Variants in LGALSL observed in about 807,000 individuals in gnomAD.
LGALSL encodes galectin-related protein.
In LGALSL, 13 loss-of-function variants were observed where a neutral mutation model predicts 19.5. The ratio of observed to expected loss-of-function variants is 0.67; its 90% CI spans 0.43 to 1.06. The LOEUF is 1.06. Among genes scored for constraint, LGALSL ranks in the 50% least tolerant of loss-of-function variants. The pLI is 0.00. For missense variants in LGALSL, 189 were observed against 219.3 expected (o/e 0.86, Z 0.87); for synonymous variants, 86 against 78.3 (o/e 1.10, Z -0.52).
At chr2:64,456,149 A>G (rs368480121) in intron 3 of LGALSL, 139 bp from the exon 4 acceptor site, 3 of 660,020 alleles carry the variant, frequency 4.5e-6, no homozygotes, top group African/African-American at 1.9e-5. Context: ...TTACTTCTCC[A>G]TAATCTAACC....
At position 64,460,538 on chromosome 2, in the gene LGALSL, A is replaced by G. The variant is rs1426483508; in HGVS notation, c.*2110A>G. On this transcript the variant is annotated 3_prime_UTR_variant, in exon 5 of 5. Coordinates refer to ENST00000238875, the MANE Select transcript of LGALSL (RefSeq NM_014181.3). ...TGTACTGATTGGAATTGACACGCTT[A>G]TTCTGTCTACCTATCAGCTAACTCA... 2 of 152,220 alleles carry G rather than the reference A, an allele frequency of 1.3e-5. No homozygotes were observed. The highest frequency in any genetic ancestry group is 6.5e-5 in the Admixed American group (1 of 15,288). The allele number at this position is 152,220 out of a possible 1,614,324, so 9.4% of individuals were successfully genotyped here. A position where few individuals can be genotyped will look rare whatever the true frequency, so the allele number is the denominator to read the frequency against.
chr2:64,457,093 G>A (rs556579512), intron 4 of LGALSL, among the ~76,000 whole-genome samples: 38 of 152,286 alleles, frequency 2.5e-4, no homozygotes, highest in Non-Finnish European at 4.9e-4. Context: ...CAATCAAGCA[G>A]CATTAGCAGC....
chr2:64,458,360 A>C lies in LGALSL; in HGVS notation c.451A>C (p.Ile151Leu), dbSNP rs1374287358. Residue 151 changes from isoleucine to leucine, a missense_variant, in exon 5 of 5, where the codon ATT (isoleucine) becomes CTT (leucine). Physicochemically the swap from Ile to Leu is conservative, Grantham distance 5 (BLOSUM62 2). Coordinates refer to ENST00000238875, the MANE Select transcript of LGALSL (RefSeq NM_014181.3). ...CCAACTTTTTGATTTTTACCATCGC[A>C]TTCAAACGTTATCTGCAATTGACAC... is the stretch of plus-strand genomic sequence containing the variant. ...GHQLFDFYHR[I>L]QTLSAIDTIK... The C allele has an allele frequency of 2.5e-6, 4 of 1,614,044 alleles. No individual in the cohort carries two copies. Among genetic ancestry groups the C allele is most frequent in the Non-Finnish European group, 2.5e-6 (3 of 1,179,908 alleles).
Position 64,454,761 on chromosome 2 carries a change from A to G in LGALSL, c.36+180A>G. 6.6e-6 allele frequency among the ~76,000 whole-genome samples: 1 copy of G among 151,958 alleles called. No homozygotes were observed. The highest frequency in any genetic ancestry group is 1.9e-4 in the East Asian group (1 of 5,156). On this transcript the variant is annotated intron_variant, in intron 1 of 4. Coordinates refer to ENST00000238875, the MANE Select transcript of LGALSL (RefSeq NM_014181.3). This position sits in a 1 kb window ranked among gnomAD's most constrained non-coding sequence, Gnocchi z 5.1. ...GCGCGCGGCCGGTGTTAGGGGCTGG[A>G]GAGGCTCCCGGGCTGCGGGGCTCTG... is the stretch of plus-strand genomic sequence containing the variant.
In LGALSL at chr2:64,454,412, C is replaced by T. The variant is rs1008644826; in HGVS notation, c.-134C>T. On this transcript the variant is annotated 5_prime_UTR_variant, in exon 1 of 5. Transcript: ENST00000238875. This position sits in a 1 kb window ranked among gnomAD's most constrained non-coding sequence, Gnocchi z 5.1. ...CGGCGCCGGGCCCCGGGCGCGCGCGCGCGCGCCCCCTCGTGTGTGCGCGCG... is the reference window on the plus strand; with the variant it reads ...CGGCGCCGGGCCCCGGGCGCGCGCGTGCGCGCCCCCTCGTGTGTGCGCGCG... 2.4e-5 allele frequency: 9 copies of T among 381,100 alleles called. No individual in the cohort carries two copies. The East Asian group carries it at 2.5e-4, about 10-fold the overall frequency. 23.6% of individuals were successfully genotyped at this position (381,100 alleles called of 1,614,324 possible).
rs1403640655 is a variant in LGALSL at position 64,460,137 on chromosome 2, A to G, written c.*1709A>G. On this transcript the variant is annotated 3_prime_UTR_variant, in exon 5 of 5. Transcript: ENST00000238875. Reference sequence around the variant, plus strand: ...AATAAACTAAAATTATGAATTTTTTATAGGTGATACATTTGGATTCTTCTC... The same window carrying G: ...AATAAACTAAAATTATGAATTTTTTGTAGGTGATACATTTGGATTCTTCTC... 1.3e-5 allele frequency: 2 copies of G among 151,910 alleles called. No individual in the cohort carries two copies. The highest frequency in any genetic ancestry group is 2.4e-5 in the African/African-American group (1 of 41,332). 9.4% of individuals were successfully genotyped at this position (151,910 alleles called of 1,614,324 possible).
At position 64,455,729 on chromosome 2, in the gene LGALSL, G is replaced by A. The variant is rs1206061887; in HGVS notation, c.197+52G>A. 4.4e-6 allele frequency: 6 copies of A among 1,353,450 alleles called. No homozygotes were observed. In the Admixed American group the frequency reaches 6.8e-5, roughly 15 times the overall value. The allele number at this position is 1,353,450 out of a possible 1,614,324, so 83.8% of individuals were successfully genotyped here. On this transcript the variant is annotated intron_variant, in intron 3 of 4. Transcript: ENST00000238875. ...AACTATCAGGCTGTGGCTGAGCCCTGCCCACTTCTGTTGTGGTTTAGCACT... is the reference window on the plus strand; with the variant it reads ...AACTATCAGGCTGTGGCTGAGCCCTACCCACTTCTGTTGTGGTTTAGCACT...
chr2:64,454,190 G>A lies in LGALSL; in HGVS notation c.-356G>A, dbSNP rs1013786909. The A allele has an allele frequency of 7.6e-6, 3 of 394,464 alleles. No homozygotes were observed. The highest frequency in any genetic ancestry group is 2.1e-5 in the African/African-American group (1 of 48,328). 24.4% of individuals were successfully genotyped at this position (394,464 alleles called of 1,614,324 possible). A position where few individuals can be genotyped will look rare whatever the true frequency, so the allele number is the denominator to read the frequency against. ...CCCGGTTCCCGAGCCGGGCCCCGGAGGCCTTTAAATGCTGCCCAGGGCCGA... is the reference window on the plus strand; with the variant it reads ...CCCGGTTCCCGAGCCGGGCCCCGGAAGCCTTTAAATGCTGCCCAGGGCCGA... On this transcript the variant is annotated 5_prime_UTR_variant, in exon 1 of 5. Transcript: ENST00000238875. The surrounding 1 kb of genome is among the most constrained non-coding windows in gnomAD (Gnocchi z 5.1).
Position 64,456,353 on chromosome 2 carries a change from A to G in LGALSL, c.263A>G (p.Lys88Arg). 6.2e-7 allele frequency: 1 copy of G among 1,612,352 alleles called. No individual in the cohort carries two copies. The highest frequency in any genetic ancestry group is 8.5e-7 in the Non-Finnish European group (1 of 1,179,274). The change falls in exon 4 of 5, where the codon AAA (lysine) becomes AGA (arginine). Residue 88 changes from lysine to arginine, a missense_variant. Around this residue, in one of 3 missense-constraint regions of LGALSL, gnomAD observed 106 missense variants for 119.3 expected, o/e 0.89. Transcript: ENST00000238875. ...CCTGCCGATGTGGCAATCGAACTCA[A>G]AGCTGTGTTCACAGATCGGCAGCTA... Reference protein sequence around the residue: ...DPPADVAIELKAVFTDRQLLR... With the variant: ...DPPADVAIELRAVFTDRQLLR...
chr2:64,456,529 G>C (rs1240922819), intron 4 of LGALSL, 64 bp downstream of exon 4: 12 of 1,348,926 alleles, frequency 8.9e-6, no homozygotes, highest in African/African-American at 4.5e-5. Context: ...CTTACCTAGT[G>C]TGTGCCAAGA....
At position 64,460,773 on chromosome 2, in the gene LGALSL, A is replaced by G. The variant is rs574930480; in HGVS notation, c.*2345A>G. Reference sequence around the variant, plus strand: ...ACCCTCTCCTGGGCCTGTAAGGTCTAAGGTGAGAATTTCAGGATGGAAAAT... The same window carrying G: ...ACCCTCTCCTGGGCCTGTAAGGTCTGAGGTGAGAATTTCAGGATGGAAAAT... On this transcript the variant is annotated 3_prime_UTR_variant, in exon 5 of 5. Transcript: ENST00000238875. 16 of 152,320 alleles carry G rather than the reference A, an allele frequency of 1.1e-4. No individual in the cohort carries two copies. The highest frequency in any genetic ancestry group is 3.4e-4 in the African/African-American group (14 of 41,562). The allele number at this position is 152,320 out of a possible 1,614,324, so 9.4% of individuals were successfully genotyped here.
In LGALSL at chr2:64,456,371, G is replaced by C; in HGVS notation, c.281G>C (p.Arg94Pro). 1 of 1,611,954 alleles carries C rather than the reference G, an allele frequency of 6.2e-7. No homozygotes were observed. The highest frequency in any genetic ancestry group is 8.5e-7 in the Non-Finnish European group (1 of 1,179,102). ...AIELKAVFTD[R>P]QLLRNSCISG... ...GAACTCAAAGCTGTGTTCACAGATC[G>C]GCAGCTACTCAGAAATTCTTGTATA... Residue 94 changes from arginine to proline, a missense_variant, in exon 4 of 5, where the codon CGG (arginine) becomes CCG (proline). Coordinates refer to ENST00000238875, the MANE Select transcript of LGALSL (RefSeq NM_014181.3).
At chr2:64,455,004 C>T (rs979670678) in intron 1 of LGALSL, among the ~76,000 whole-genome samples, 1 of 152,088 alleles carries the variant, frequency 6.6e-6, no homozygotes, top group Admixed American at 6.5e-5. Context: ...AGTCACGTCC[C>T]GAAGGACAGG....
chr2:64,454,727 C>G lies in LGALSL; in HGVS notation c.36+146C>G, dbSNP rs1356582644. On this transcript the variant is annotated intron_variant, in intron 1 of 4. Coordinates refer to ENST00000238875, the MANE Select transcript of LGALSL (RefSeq NM_014181.3). This position sits in a 1 kb window ranked among gnomAD's most constrained non-coding sequence, Gnocchi z 5.1. ...GAAGGCGCCCGGTACCTGTTAGCAG[C>G]CGCTGGCTGCGCGCGGCCGGTGTTA... The G allele has an allele frequency of 5.1e-5, 23 of 454,654 alleles. 1 individual carries two copies. The highest frequency in any genetic ancestry group is 7.9e-5 in the Non-Finnish European group (23 of 291,766). 28.2% of individuals were successfully genotyped at this position (454,654 alleles called of 1,614,324 possible).
Position 64,458,593 on chromosome 2 carries a change from A to G in LGALSL, c.*165A>G, listed in dbSNP as rs1686772502. On this transcript the variant is annotated 3_prime_UTR_variant, in exon 5 of 5. Coordinates refer to ENST00000238875, the MANE Select transcript of LGALSL (RefSeq NM_014181.3). The stretch of plus-strand genomic sequence containing the variant: ...CTTAAGAAGAAAGCTGTTGGGACAA[A>G]GACACCGAGCCATTATACCCAGAAT... 3.3e-6 allele frequency: 2 copies of G among 605,748 alleles called. No homozygotes were observed. Among genetic ancestry groups the G allele is most frequent in the Non-Finnish European group, 5.6e-6 (2 of 356,550 alleles). The allele number at this position is 605,748 out of a possible 1,614,324, so 37.5% of individuals were successfully genotyped here.
Position 64,456,450 on chromosome 2 carries a change from A to G in LGALSL, c.360A>G (p.Pro120=). The G allele has an allele frequency of 6.3e-7, 1 of 1,584,378 alleles. No individual in the cohort carries two copies. Among genetic ancestry groups the G allele is most frequent in the Non-Finnish European group, 8.6e-7 (1 of 1,164,758 alleles). ...QSAIPYFPFI[P]DQPFRVEILC... ...CAATCCCTTACTTTCCATTCATTCC[A>G]GACCAGCCATTCAGGGTGAGTACCT... Residue 120 remains proline, a synonymous_variant, in exon 4 of 5, where the codon CCA becomes CCG. Coordinates refer to ENST00000238875, the MANE Select transcript of LGALSL (RefSeq NM_014181.3).
chr2:64,454,467 C>T lies in LGALSL; in HGVS notation c.-79C>T. The T allele has an allele frequency of 1.3e-6, 1 of 794,210 alleles. No homozygotes were observed. 49.2% of individuals were successfully genotyped at this position (794,210 alleles called of 1,614,324 possible). A position where few individuals can be genotyped will look rare whatever the true frequency, so the allele number is the denominator to read the frequency against. On this transcript the variant is annotated 5_prime_UTR_variant, in exon 1 of 5. Transcript: ENST00000238875. The surrounding 1 kb of genome is among the most constrained non-coding windows in gnomAD (Gnocchi z 5.1). ...CCGCCAGCTCGGACCCGCGCCCCCG[C>T]CCCCGCCCCGCGCAGGACAGCCCCG...
rs1686764130 is a variant in LGALSL, at chr2:64,458,134, C to A, written c.376-151C>A. On this transcript the variant is annotated intron_variant, in intron 4 of 4. Coordinates refer to ENST00000238875, the MANE Select transcript of LGALSL (RefSeq NM_014181.3). The stretch of plus-strand genomic sequence containing the variant: ...AATTTTGGAGGTAGAGCCCAACAAT[C>A]TGTGTTCTAACAAGCCCTCTGCAGG... The A allele has an allele frequency of 5.8e-6, 4 of 686,108 alleles. No individual in the cohort carries two copies. The South Asian group carries it at 7.9e-5, about 13-fold the overall frequency. The allele number at this position is 686,108 out of a possible 1,614,324, so 42.5% of individuals were successfully genotyped here.
At chr2:64,458,211 T>A in intron 4 of LGALSL, 74 bp from the exon 5 acceptor site, 1 of 1,386,204 alleles carries the variant, frequency 7.2e-7, no homozygotes, top group Non-Finnish European at 1.0e-6. Context: ...CCTTTCTTTC[T>A]CTAAAATGAA....
Sources: allele counts gnomAD v4.1 joint callset (sites outside exome capture counted in the v4.1 genomes callset), GRCh38; gene constraint gnomAD v4.1.1; regional missense constraint gnomAD v4.1.1; non-coding constraint Gnocchi (gnomAD v3.1); transcripts MANE v1.5; gene names NCBI Gene and HGNC (gene_info 2026-07-23, HGNC 2026-07-21).